RGS7: variants seen among roughly 807,000 people sequenced by gnomAD.
RGS7 encodes regulator of G-protein signaling 7.
Under a neutral mutation model 81.1 loss-of-function variants are expected in RGS7, and 27 were observed. The ratio of observed to expected loss-of-function variants is 0.33; its 90% CI spans 0.25 to 0.46. The LOEUF is 0.46. RGS7 is among the 20% of genes least tolerant of loss of function. The pLI, the probability that RGS7 is intolerant of heterozygous loss-of-function variation, is 1.00. For missense variants in RGS7, 396 were observed against 607.4 expected, an observed-to-expected ratio of 0.65 and a Z score of 3.66; for synonymous variants, 208 against 207.7, an observed-to-expected ratio of 1.00 and a Z score of -0.01.
At chr1:241,250,567 C>T (rs980757123) in intron 2 of RGS7, among the ~76,000 whole-genome samples, 1 of 151,946 alleles carries the variant, frequency 6.6e-6, no homozygotes, top group South Asian at 2.1e-4. Context: ...GGGAAAATAG[C>T]ACAGGCCATG....
At chr1:241,133,005 G>A (rs1367986089) in intron 2 of RGS7, among the ~76,000 whole-genome samples, 14 of 151,968 alleles carry the variant, frequency 9.2e-5, no homozygotes, top group African/African-American at 2.7e-4. Context: ...CTCGTAATCC[G>A]CCTGCCTCAG....
At chr1:241,003,183 C>T (rs1313628325) in intron 3 of RGS7, among the ~76,000 whole-genome samples, 1 of 152,148 alleles carries the variant, frequency 6.6e-6, no homozygotes, top group African/African-American at 2.4e-5. Context: ...CTGTGCCAGC[C>T]GGGCGCAGTG....
intron 2 of RGS7, among the ~76,000 whole-genome samples, chr1:241,209,051 A>C (rs1381271788): frequency 6.6e-6 from 1 of 152,188 alleles, no homozygotes; most frequent in Admixed American, 6.5e-5. Context: ...GATGATAGTA[A>C]ATTCTGGTGG....
intron 13 of RGS7, among the ~76,000 whole-genome samples, chr1:240,813,054 C>G (rs768593123): frequency 2.6e-5 from 4 of 152,132 alleles, no homozygotes; most frequent in Non-Finnish European, 5.9e-5. Flanking sequence ...TAAAGTGATA[C>G]GCCATGATCC....
chr1:241,124,786 T>G (rs767211350), intron 2 of RGS7, among the ~76,000 whole-genome samples: 15 of 152,290 alleles, frequency 9.8e-5, no homozygotes, highest in South Asian at 2.1e-4. Flanking sequence ...GAGACATATC[T>G]CGGGACCTCC....
intron 3 of RGS7, among the ~76,000 whole-genome samples, chr1:241,088,784 G>A (rs2063634723): frequency 6.6e-6 from 1 of 151,686 alleles, no homozygotes; most frequent in East Asian, 1.9e-4. Context: ...GGAAGAGGTG[G>A]GCAGATCACG....
chr1:241,251,336 A>G (rs2076816664), intron 2 of RGS7, among the ~76,000 whole-genome samples: 1 of 152,176 alleles, frequency 6.6e-6, no homozygotes, highest in Non-Finnish European at 1.5e-5. Context: ...GCAAGACAAG[A>G]AACTCTCCCA....
At chr1:241,122,915 C>T (rs751144471) in intron 2 of RGS7, among the ~76,000 whole-genome samples, 14 of 152,136 alleles carry the variant, frequency 9.2e-5, no homozygotes, top group African/African-American at 2.2e-4. Context: ...TTTCACACCA[C>T]GGTATAGTTG....
At chr1:241,158,674 C>A (rs1172296342) in intron 2 of RGS7, among the ~76,000 whole-genome samples, 1 of 152,178 alleles carries the variant, frequency 6.6e-6, no homozygotes, top group Admixed American at 6.5e-5. Flanking sequence ...TATTTTAGAT[C>A]TGCCCCAAAC....
intron 18 of RGS7, among the ~76,000 whole-genome samples, chr1:240,780,675 G>C (rs930528622): frequency 1.3e-5 from 2 of 151,904 alleles, no homozygotes; most frequent in Non-Finnish European, 2.9e-5. Context: ...CAGCACTTTG[G>C]GAGAGCAAGG....
intron 2 of RGS7, among the ~76,000 whole-genome samples, chr1:241,186,716 G>A (rs960998385): frequency 6.6e-6 from 1 of 151,396 alleles, no homozygotes; most frequent in Admixed American, 6.6e-5. Flanking sequence ...TAGTAGAGAC[G>A]GGGTTTCTCC....
At chr1:240,993,113 G>GGGAGGGAAGGAA (rs1360317217) in intron 3 of RGS7, among the ~76,000 whole-genome samples, 1 of 128,580 alleles carries the variant, frequency 7.8e-6, no homozygotes. Context: ...GAGGGAGGGA[G>GGGAGGGAAGGAA]GGAAGGAAGG....
Position 240,944,497 on chromosome 1 carries a change from T to C in RGS7, c.227-7791A>G, listed in dbSNP as rs542925887. On this transcript the variant is annotated intron_variant, in intron 4 of 18. Transcript: ENST00000440928. Reference sequence around the variant, plus strand: ...CAGTATACATTCTGCAAAATTTCCATTAGTTAATCTGGCTGAATGAGCTGG... The same window carrying C: ...CAGTATACATTCTGCAAAATTTCCACTAGTTAATCTGGCTGAATGAGCTGG... Among the ~76,000 whole-genome samples, 13 of 151,966 alleles carry C rather than the reference T, an allele frequency of 8.6e-5. No homozygotes were observed. In the East Asian group the frequency reaches 2.5e-3, roughly 30 times the overall value.
chr1:241,289,771 C>T (rs1292430299), intron 2 of RGS7, among the ~76,000 whole-genome samples: 2 of 152,024 alleles, frequency 1.3e-5, no homozygotes, highest in Non-Finnish European at 2.9e-5. Context: ...GACTCTCAAA[C>T]AATTGGTGCT....
chr1:241,323,372 G>T (rs531710225), intron 2 of RGS7, among the ~76,000 whole-genome samples: 1 of 152,340 alleles, frequency 6.6e-6, no homozygotes, highest in Non-Finnish European at 1.5e-5. Flanking sequence ...GCGCCTGTCA[G>T]CGCCTGTGGA....
Position 241,271,995 on chromosome 1 carries a change from T to A in RGS7, c.78+83704A>T, listed in dbSNP as rs369894811. ...ACTACTAGAATTTCTTTTTTTTTTT[T>A]TTTATTTTTATTTTTTGAGATGGAG... On this transcript the variant is annotated intron_variant, in intron 2 of 18. Coordinates refer to ENST00000440928, the MANE Select transcript of RGS7 (RefSeq NM_001364886.1). This position sits in a 1 kb window ranked among gnomAD's most constrained non-coding sequence, Gnocchi z 4.6. Among the ~76,000 whole-genome samples, 4,139 of 142,594 alleles carry A rather than the reference T, an allele frequency of 0.029. 222 individuals carry two copies. Among genetic ancestry groups the A allele is most frequent in the African/African-American group, 0.099 (3,868 of 39,248 alleles). 93.5% of individuals were successfully genotyped at this position (142,594 alleles called of 152,430 possible). A position where few individuals can be genotyped will look rare whatever the true frequency, so the allele number is the denominator to read the frequency against.
At chr1:241,211,229 GAGCTGAGATGGCGCCATTGCACTCC>G (rs1220881705) in intron 2 of RGS7, among the ~76,000 whole-genome samples, 1 of 152,164 alleles carries the variant, frequency 6.6e-6, no homozygotes, top group Non-Finnish European at 1.5e-5. Flanking sequence ...AGGTTGCAGT[GAGCTGAGATGGCGCCATTGCACTCC>G]AGACCCTGTG....
intron 18 of RGS7, among the ~76,000 whole-genome samples, chr1:240,794,147 T>C (rs1017547315): frequency 1.3e-5 from 2 of 152,040 alleles, no homozygotes; most frequent in Non-Finnish European, 2.9e-5. Context: ...GGTGTTTGTG[T>C]CAGTTGAGGA....
At chr1:240,845,798 T>C (rs1049723505) in intron 9 of RGS7, among the ~76,000 whole-genome samples, 1 of 152,218 alleles carries the variant, frequency 6.6e-6, no homozygotes, top group African/African-American at 2.4e-5. Context: ...CCAGGTGGCA[T>C]GCATTTAACA....
Sources: allele counts gnomAD v4.1 joint callset (sites outside exome capture counted in the v4.1 genomes callset), GRCh38; gene constraint gnomAD v4.1.1; non-coding constraint Gnocchi (gnomAD v3.1); transcripts MANE v1.5; gene names NCBI Gene and HGNC (gene_info 2026-07-23, HGNC 2026-07-21).